WIPF2: variants seen among roughly 807,000 people sequenced by gnomAD.
The protein encoded by WIPF2 is WAS/WASL interacting protein family member 2.
WIPF2 carries 23 observed loss-of-function variants against 38.8 expected under a neutral mutation model. That is an observed-to-expected ratio of 0.59 (90% CI 0.43 to 0.84). WIPF2 has a LOEUF of 0.84. Ranked by LOEUF, WIPF2 falls within the 40% of genes least tolerant of loss-of-function variation. The probability of loss-of-function intolerance (pLI) is 0.00; values close to 1 mark genes in which losing one functional copy is unlikely to be tolerated. For missense variants in WIPF2, 574 were observed against 580.5 expected, an observed-to-expected ratio of 0.99 and a Z score of 0.11; for synonymous variants, 210 against 223.2, an observed-to-expected ratio of 0.94 and a Z score of 0.53.
chr17:40,251,529 G>A (rs1188681815), intron 1 of WIPF2, among the ~76,000 whole-genome samples: 1 of 152,124 alleles, frequency 6.6e-6, no homozygotes, highest in African/African-American at 2.4e-5. Context: ...AGAACTGTTT[G>A]TATTCTATAA....
In WIPF2 at chr17:40,280,095, T is replaced by G. The variant is rs1390487113; in HGVS notation, c.*1870T>G. The G allele has an allele frequency of 2.6e-5, 4 of 152,242 alleles. No homozygotes were observed. The highest frequency in any genetic ancestry group is 9.6e-5 in the African/African-American group (4 of 41,522). The allele number at this position is 152,242 out of a possible 1,614,324, so 9.4% of individuals were successfully genotyped here. ...CCATGATTAGGTCTGTCACCAAACT[T>G]TTCCTAATCATTTTTTATGTATCAT... On this transcript the variant is annotated 3_prime_UTR_variant, in exon 8 of 8. Transcript: ENST00000323571.
chr17:40,274,133 G>T, intron 6 of WIPF2, 134 bp downstream of exon 6: 2 of 671,306 alleles, frequency 3.0e-6, no homozygotes, highest in Non-Finnish European at 4.8e-6. Flanking sequence ...TTCTCCTGCT[G>T]ACTTCATCCT....
chr17:40,262,587 C>G lies in WIPF2; in HGVS notation c.259C>G (p.Leu87Val), dbSNP rs766856730. The G allele has an allele frequency of 1.2e-6, 2 of 1,614,040 alleles. No individual in the cohort carries two copies. Among genetic ancestry groups the G allele is most frequent in the Non-Finnish European group, 1.7e-6 (2 of 1,179,928 alleles). Reference sequence around the variant, plus strand: ...AGCTGCCCTGCAGCCCAAGGGAGGTCTCTTCCAAGGAGGAGTGCTGAAGCT... The same window carrying G: ...AGCTGCCCTGCAGCCCAAGGGAGGTGTCTTCCAAGGAGGAGTGCTGAAGCT... ...GGAALQPKGG[L>V]FQGGVLKLRP... The change falls in exon 4 of 8, where the codon CTC becomes GTC. Residue 87 changes from leucine to valine, a missense_variant. Physicochemically the swap from Leu to Val is conservative, Grantham distance 32. Transcript: ENST00000323571.
intron 5 of WIPF2, among the ~76,000 whole-genome samples, chr17:40,271,813 T>C (rs9916460): frequency 0.13 from 19,258 of 152,196 alleles, 1,346 homozygotes; most frequent in East Asian, 0.3. Context: ...AGATACCCAA[T>C]AAATGGTAGC....
chr17:40,259,769 C>G (rs1210081759), intron 2 of WIPF2, among the ~76,000 whole-genome samples: 2 of 152,062 alleles, frequency 1.3e-5, no homozygotes, highest in African/African-American at 4.8e-5. Context: ...TCTGGCCCAC[C>G]CTTTCCAAAT....
chr17:40,245,636 C>T (rs568784047), intron 1 of WIPF2, among the ~76,000 whole-genome samples: 1 of 152,260 alleles, frequency 6.6e-6, no homozygotes, highest in African/African-American at 2.4e-5. Flanking sequence ...AGCCACTGCA[C>T]CTGTCCTGAC....
At chr17:40,277,535 G>A (rs1006847711) in intron 7 of WIPF2, among the ~76,000 whole-genome samples, 1 of 152,000 alleles carries the variant, frequency 6.6e-6, no homozygotes, top group African/African-American at 2.4e-5. Flanking sequence ...CAAAAGATTA[G>A]CTGGGCGTGG....
At chr17:40,223,599 G>GTTT (rs527827847) in intron 1 of WIPF2, among the ~76,000 whole-genome samples, 28 of 130,306 alleles carry the variant, frequency 2.1e-4, no homozygotes, top group Non-Finnish European at 2.8e-4. Context: ...TTTTTTTTGG[G>GTTT]TTTTTTTTTT....
At chr17:40,242,581 T>A (rs2031228940) in intron 1 of WIPF2, among the ~76,000 whole-genome samples, 1 of 152,066 alleles carries the variant, frequency 6.6e-6, no homozygotes. Context: ...TTTGTATTTT[T>A]AGTACAGACG....
At chr17:40,257,790 C>T (rs2031777042) in intron 2 of WIPF2, among the ~76,000 whole-genome samples, 1 of 150,244 alleles carries the variant, frequency 6.7e-6, no homozygotes, top group South Asian at 2.1e-4. Context: ...TGTATGCATT[C>T]TATTTTTGTA....
chr17:40,237,647 G>T (rs2031028346), intron 1 of WIPF2, among the ~76,000 whole-genome samples: 1 of 150,082 alleles, frequency 6.7e-6, no homozygotes, highest in African/African-American at 2.4e-5. Context: ...ATTTCCAAGG[G>T]CTTTTTGTTT....
chr17:40,274,565 A>AGG (rs2032334949), intron 6 of WIPF2, among the ~76,000 whole-genome samples: 2 of 143,956 alleles, frequency 1.4e-5, no homozygotes, highest in Admixed American at 6.9e-5. Flanking sequence ...TTGAAAAAAA[A>AGG]AAAAAAAAAA....
At position 40,279,495 on chromosome 17, in the gene WIPF2, T is replaced by C. The variant is rs1465785848; in HGVS notation, c.*1270T>C. On this transcript the variant is annotated 3_prime_UTR_variant, in exon 8 of 8. Transcript: ENST00000323571. ...TCTATGCCAGGAAGCACAAAGACTT[T>C]GTTGAGATTTGCCTCAGTTCAGTAG... The C allele has an allele frequency of 6.6e-6, 1 of 152,638 alleles. No homozygotes were observed. Among genetic ancestry groups the C allele is most frequent in the Non-Finnish European group, 1.5e-5 (1 of 68,056 alleles). 9.5% of individuals were successfully genotyped at this position (152,638 alleles called of 1,614,324 possible).
At chr17:40,262,732 A>G (rs2031952903) in intron 4 of WIPF2, 91 bp downstream of exon 4, 1 of 1,016,216 alleles carries the variant, frequency 9.8e-7, no homozygotes, top group East Asian at 2.4e-5. Flanking sequence ...AGTATGGTAG[A>G]GGTGGGGGGA....
At chr17:40,273,304 G>A (rs1244458094) in intron 5 of WIPF2, among the ~76,000 whole-genome samples, 3 of 152,144 alleles carry the variant, frequency 2.0e-5, no homozygotes, top group Non-Finnish European at 4.4e-5. Context: ...CAAAGTGCTA[G>A]GATTATAGAC....
chr17:40,219,414 CTTGCCGGGG>C lies in WIPF2; in HGVS notation c.-147_-139del. 2 of 386,058 alleles carry C rather than the reference CTTGCCGGGG, an allele frequency of 5.2e-6. No homozygotes were observed. The highest frequency in any genetic ancestry group is 9.9e-6 in the Non-Finnish European group (2 of 202,818). The allele number at this position is 386,058 out of a possible 1,614,324, so 23.9% of individuals were successfully genotyped here. A position where few individuals can be genotyped will look rare whatever the true frequency, so the allele number is the denominator to read the frequency against. On this transcript the variant is annotated 5_prime_UTR_variant, in exon 1 of 8. Coordinates refer to ENST00000323571, the MANE Select transcript of WIPF2 (RefSeq NM_133264.5). ...CGGCGGCGGCGACGGCGAGAAAGAGCTTGCCGGGGGGCGAGCAGGACAGGACGAAGCCGG... is the reference window on the plus strand; with the variant it reads ...CGGCGGCGGCGACGGCGAGAAAGAGCGGCGAGCAGGACAGGACGAAGCCGG...
At chr17:40,244,612 A>G (rs773443287) in intron 1 of WIPF2, among the ~76,000 whole-genome samples, 1 of 152,124 alleles carries the variant, frequency 6.6e-6, no homozygotes, top group East Asian at 1.9e-4. Context: ...CTGTCGGTTC[A>G]TTTAGGTTTC....
chr17:40,258,271 C>T (rs540678043), intron 2 of WIPF2, among the ~76,000 whole-genome samples: 3 of 151,154 alleles, frequency 2.0e-5, no homozygotes, highest in South Asian at 2.1e-4. Context: ...GGTAGTTGAG[C>T]GCCAGTAATC....
At chr17:40,273,274 A>C (rs1290988315) in intron 5 of WIPF2, among the ~76,000 whole-genome samples, 1 of 152,114 alleles carries the variant, frequency 6.6e-6, no homozygotes, top group Non-Finnish European at 1.5e-5. Flanking sequence ...AGCTCAGGCA[A>C]TCCTCCCGCC....
Sources: allele counts gnomAD v4.1 joint callset (sites outside exome capture counted in the v4.1 genomes callset), GRCh38; gene constraint gnomAD v4.1.1; transcripts MANE v1.5; gene names NCBI Gene and HGNC (gene_info 2026-07-23, HGNC 2026-07-21).